MNAT1: variants seen among roughly 807,000 people sequenced by gnomAD.
MNAT1 encodes the protein MNAT1 component of CDK activating kinase, also known as CDK-activating kinase assembly factor MAT1.
Under a neutral mutation model 42.0 loss-of-function variants are expected in MNAT1, and 43 were observed. That is an observed-to-expected ratio of 1.02 (90% CI 0.80 to 1.32). The LOEUF is 1.32. MNAT1 is among the 40% of genes most tolerant of loss of function. The probability of loss-of-function intolerance (pLI) is 0.00; values close to 1 mark genes in which losing one functional copy is unlikely to be tolerated. For missense variants in MNAT1, 306 were observed against 350.4 expected (o/e 0.87, Z 1.01); for synonymous variants, 118 against 120.0 (o/e 0.98, Z 0.11).
intron 6 of MNAT1, among the ~76,000 whole-genome samples, chr14:60,855,297 C>T (rs1248484647): frequency 6.6e-6 from 1 of 151,964 alleles, no homozygotes; most frequent in Non-Finnish European, 1.5e-5. Flanking sequence ...TCTCTGGCTT[C>T]AGCCCCCTTT....
chr14:60,955,530 T>C (rs4611379), intron 7 of MNAT1, among the ~76,000 whole-genome samples: 139,855 of 152,080 alleles, frequency 0.92, 64,807 homozygotes, highest in Non-Finnish European at 0.99. Context: ...GGCGTGGTGG[T>C]GGGTGCCTGT....
At chr14:60,938,238 C>T (rs2036052140) in intron 7 of MNAT1, among the ~76,000 whole-genome samples, 2 of 152,114 alleles carry the variant, frequency 1.3e-5, no homozygotes, top group African/African-American at 4.8e-5. Flanking sequence ...TGCCTGATTG[C>T]CCTGGCCAGA....
intron 7 of MNAT1, among the ~76,000 whole-genome samples, chr14:60,926,222 C>T (rs1446011118): frequency 6.6e-6 from 1 of 152,230 alleles, no homozygotes; most frequent in Non-Finnish European, 1.5e-5. Context: ...ACACCACAGT[C>T]AATACTTCTG....
chr14:60,776,857 G>GT (rs1399532596), intron 1 of MNAT1, among the ~76,000 whole-genome samples: 6 of 151,726 alleles, frequency 4.0e-5, no homozygotes, highest in African/African-American at 4.8e-5. Flanking sequence ...TTTGGTTTTT[G>GT]TTTTTTTGAG....
At chr14:60,957,268 G>A (rs2139614203) in intron 7 of MNAT1, among the ~76,000 whole-genome samples, 1 of 152,226 alleles carries the variant, frequency 6.6e-6, no homozygotes, top group African/African-American at 2.4e-5. Flanking sequence ...CTCGGTATTA[G>A]TCTGTCCTCA....
intron 6 of MNAT1, among the ~76,000 whole-genome samples, chr14:60,871,446 C>A (rs1022518113): frequency 6.6e-6 from 1 of 152,140 alleles, no homozygotes; most frequent in Non-Finnish European, 1.5e-5. Context: ...TCTGCACTAA[C>A]ACTTTTTATT....
At chr14:60,899,486 A>T (rs2035029407) in intron 7 of MNAT1, among the ~76,000 whole-genome samples, 1 of 152,156 alleles carries the variant, frequency 6.6e-6, no homozygotes, top group Admixed American at 6.5e-5. Flanking sequence ...TTATTATATC[A>T]TCAGTAGTGA....
At chr14:60,903,882 T>C (rs932999739) in intron 7 of MNAT1, among the ~76,000 whole-genome samples, 9 of 150,288 alleles carry the variant, frequency 6.0e-5, no homozygotes, top group Non-Finnish European at 1.2e-4. Flanking sequence ...TTTTTTTTTT[T>C]TTTTCTTTTT....
chr14:60,958,455 G>T (rs761218785), intron 7 of MNAT1, among the ~76,000 whole-genome samples: 10 of 151,702 alleles, frequency 6.6e-5, no homozygotes, highest in Non-Finnish European at 1.2e-4. Flanking sequence ...CTCTGTCTTT[G>T]ATTTTTGAAA....
At chr14:60,767,583 T>A (rs912466539) in intron 1 of MNAT1, among the ~76,000 whole-genome samples, 5 of 152,202 alleles carry the variant, frequency 3.3e-5, no homozygotes, top group African/African-American at 4.8e-5. Context: ...GTTTTTTTTT[T>A]AATTTAAATT....
chr14:60,791,948 A>G (rs2031835096), intron 1 of MNAT1, among the ~76,000 whole-genome samples: 1 of 152,130 alleles, frequency 6.6e-6, no homozygotes, highest in African/African-American at 2.4e-5. Context: ...AGGAGAGAAA[A>G]ATAAGAAAAG....
At chr14:60,795,336 A>G (rs1330265154) in intron 1 of MNAT1, among the ~76,000 whole-genome samples, 2 of 152,116 alleles carry the variant, frequency 1.3e-5, no homozygotes, top group Non-Finnish European at 2.9e-5. Context: ...GGGGTAGGGC[A>G]GGGATGATTG....
chr14:60,863,549 G>A lies in MNAT1; in HGVS notation c.688-16165G>A, dbSNP rs191523939. ...TTTACTAAACTCTCTCATATGAACT[G>A]CTTTCTTTGTCCTCTAGGGCATTGT... On this transcript the variant is annotated intron_variant, in intron 6 of 7. Transcript: ENST00000261245. Among the ~76,000 whole-genome samples, 10 of 152,162 alleles carry A rather than the reference G, an allele frequency of 6.6e-5. No homozygotes were observed. In the East Asian group the frequency reaches 1.7e-3, roughly 26 times the overall value.
At chr14:60,852,510 A>G (rs1295433594) in intron 6 of MNAT1, among the ~76,000 whole-genome samples, 1 of 152,062 alleles carries the variant, frequency 6.6e-6, no homozygotes, top group Non-Finnish European at 1.5e-5. Context: ...GTTCATTCTG[A>G]TGATAGTTTC....
chr14:60,930,316 C>G (rs1341658206), intron 7 of MNAT1, among the ~76,000 whole-genome samples: 2 of 150,716 alleles, frequency 1.3e-5, no homozygotes, highest in Admixed American at 1.3e-4. Context: ...TTTTGTTTCT[C>G]CATCTCACTA....
intron 1 of MNAT1, chr14:60,779,990 C>T: frequency 6.4e-7 from 1 of 1,564,462 alleles, no homozygotes; most frequent in Non-Finnish European, 8.8e-7. Context: ...GGCGCTGCAG[C>T]TCTCCCGGGA....
At chr14:60,794,008 A>T (rs1273479907) in intron 1 of MNAT1, among the ~76,000 whole-genome samples, 1 of 152,164 alleles carries the variant, frequency 6.6e-6, no homozygotes, top group Admixed American at 6.5e-5. Context: ...ACAATATATT[A>T]TGTCTAATAT....
chr14:60,911,556 T>A (rs540894180), intron 7 of MNAT1, among the ~76,000 whole-genome samples: 1 of 152,334 alleles, frequency 6.6e-6, no homozygotes, highest in East Asian at 1.9e-4. Context: ...AGAACATCTT[T>A]ATTTCTGCCT....
intron 6 of MNAT1, among the ~76,000 whole-genome samples, chr14:60,861,702 A>G (rs893365666): frequency 6.6e-6 from 1 of 152,258 alleles, no homozygotes; most frequent in Non-Finnish European, 1.5e-5. Flanking sequence ...TTGAGCAATT[A>G]GCTGATAAGC....
Sources: allele counts gnomAD v4.1 joint callset (sites outside exome capture counted in the v4.1 genomes callset), GRCh38; gene constraint gnomAD v4.1.1; transcripts MANE v1.5; gene names NCBI Gene and HGNC (gene_info 2026-07-23, HGNC 2026-07-21).